Variants in ANO2 observed in about 807,000 individuals in gnomAD.
ANO2 encodes anoctamin-2.
A neutral mutation model predicts 124.2 loss-of-function variants in ANO2; 101 were observed. The observed-to-expected ratio is 0.81, with a 90% CI of 0.69 to 0.96. The LOEUF is 0.96. ANO2 is among the 40% of genes least tolerant of loss of function. The probability of loss-of-function intolerance (pLI) is 0.00; values close to 1 mark genes in which losing one functional copy is unlikely to be tolerated. For synonymous variants in ANO2, 486 were observed against 482.5 expected, an observed-to-expected ratio of 1.01 and a Z score of -0.09; for missense variants, 1,293 against 1,274.5, an observed-to-expected ratio of 1.01 and a Z score of -0.22.
intron 14 of ANO2, among the ~76,000 whole-genome samples, chr12:5,707,087 G>A (rs1421336125): frequency 6.6e-6 from 1 of 152,196 alleles, no homozygotes; most frequent in African/African-American, 2.4e-5. Flanking sequence ...CACATGTCGA[G>A]GGAGGGACCT....
At chr12:5,920,980 A>G in intron 3 of ANO2, 60 bp downstream of exon 3, 5 of 1,538,380 alleles carry the variant, frequency 3.3e-6, no homozygotes, top group Non-Finnish European at 4.4e-6. Context: ...ACTGCTCACT[A>G]GGAGCCCGGT....
chr12:5,917,263 T>C (rs556445553), intron 3 of ANO2, among the ~76,000 whole-genome samples: 6 of 152,222 alleles, frequency 3.9e-5, no homozygotes, highest in Non-Finnish European at 7.4e-5. Context: ...GTGGTGTTGA[T>C]AGTAGCATTA....
chr12:5,697,293 G>T (rs189809156), intron 14 of ANO2, among the ~76,000 whole-genome samples: 1 of 151,962 alleles, frequency 6.6e-6, no homozygotes, highest in Non-Finnish European at 1.5e-5. Flanking sequence ...TTAGCCGGGC[G>T]TGGTGGTGGG....
intron 14 of ANO2, among the ~76,000 whole-genome samples, chr12:5,707,696 C>T (rs888285877): frequency 2.0e-5 from 3 of 152,188 alleles, no homozygotes; most frequent in Non-Finnish European, 4.4e-5. Context: ...ACATACCTTC[C>T]GAGTTTATCT....
rs147969335 is a variant in ANO2 at position 5,841,226 on chromosome 12, G to A, written c.634-8623C>T. 1.4e-4 allele frequency among the ~76,000 whole-genome samples: 21 copies of A among 152,290 alleles called. No homozygotes were observed. In the Middle Eastern group the frequency reaches 0.01, roughly 74 times the overall value. ...TTTCAGCGATCAAAAGGGAAACAGC[G>A]CCAGGAGCAGCCAAGGTCAGCTACA... is the stretch of plus-strand genomic sequence containing the variant. On this transcript the variant is annotated intron_variant, in intron 4 of 24. Transcript: ENST00000682330.
chr12:5,732,721 G>C (rs1297860206), intron 13 of ANO2, 91 bp from the exon 14 acceptor site: 5 of 1,525,764 alleles, frequency 3.3e-6, no homozygotes, highest in Non-Finnish European at 9.0e-7. Context: ...ATTAACGTCA[G>C]CGTTTAGGAT....
chr12:5,703,835 C>A (rs1296432688), intron 14 of ANO2, among the ~76,000 whole-genome samples: 2 of 152,210 alleles, frequency 1.3e-5, no homozygotes, highest in Non-Finnish European at 2.9e-5. Context: ...GTGTGAGCCA[C>A]CGTGCCTGGC....
intron 7 of ANO2, among the ~76,000 whole-genome samples, chr12:5,821,466 C>T (rs924818614): frequency 6.6e-6 from 1 of 152,228 alleles, no homozygotes; most frequent in Admixed American, 6.5e-5. Flanking sequence ...GAAGGCTCTG[C>T]AACAGGTCCA....
Position 5,749,829 on chromosome 12 carries a change from C to T in ANO2, c.1190+1007G>A, listed in dbSNP as rs185270697. Among the ~76,000 whole-genome samples the T allele has an allele frequency of 6.4e-4, 98 of 152,262 alleles. 1 individual carries two copies. The highest frequency in any genetic ancestry group is 4.9e-4 in the Non-Finnish European group (33 of 68,034). Reference sequence around the variant, plus strand: ...TTACAACACTATGACTTAGGCGTCGCGATTACCATTTTACAGCCAAGAATA... The same window carrying T: ...TTACAACACTATGACTTAGGCGTCGTGATTACCATTTTACAGCCAAGAATA... On this transcript the variant is annotated intron_variant, in intron 11 of 24. Transcript: ENST00000682330.
At chr12:5,922,520 A>C (rs1941753769) in intron 2 of ANO2, 100 bp downstream of exon 2, 1 of 1,310,876 alleles carries the variant, frequency 7.6e-7, no homozygotes, top group East Asian at 2.7e-5. Flanking sequence ...TTTCACGCAC[A>C]CATGTGCTCC....
intron 4 of ANO2, among the ~76,000 whole-genome samples, chr12:5,845,387 G>GA (rs1954650395): frequency 6.6e-6 from 1 of 151,894 alleles, no homozygotes; most frequent in Non-Finnish European, 1.5e-5. Flanking sequence ...CTAACACGGT[G>GA]AAACTCCATC....
intron 3 of ANO2, among the ~76,000 whole-genome samples, chr12:5,901,679 A>C (rs1344531159): frequency 6.6e-6 from 1 of 152,210 alleles, no homozygotes; most frequent in Non-Finnish European, 1.5e-5. Context: ...GGAGGAACTC[A>C]AACCAGCCAA....
At position 5,727,309 on chromosome 12, in the gene ANO2, C is replaced by G. The variant is rs906759961; in HGVS notation, c.1545+5211G>C. Among the ~76,000 whole-genome samples, 34 of 152,074 alleles carry G rather than the reference C, an allele frequency of 2.2e-4. 1 individual carries two copies. The highest frequency in any genetic ancestry group is 5.2e-4 in the Admixed American group (8 of 15,268). On this transcript the variant is annotated intron_variant, in intron 14 of 24. Transcript: ENST00000682330. ...TTTCAGTATGTGACGTGCCTGCTCC[C>G]CCTTCGCCTTCCACAATGATTATAA...
chr12:5,922,868 G>A, intron 1 of ANO2, 64 bp from the exon 2 acceptor site: 2 of 1,374,674 alleles, frequency 1.5e-6, no homozygotes, highest in Non-Finnish European at 9.6e-7. Flanking sequence ...AGACACTGAG[G>A]TACTGAGTGT....
intron 1 of ANO2, among the ~76,000 whole-genome samples, chr12:5,934,442 A>G (rs2136320391): frequency 6.6e-6 from 1 of 152,334 alleles, no homozygotes; most frequent in African/African-American, 2.4e-5. Context: ...GACCAAGAGA[A>G]TAAGAATAAG....
chr12:5,819,063 G>T lies in ANO2; in HGVS notation c.892+8706C>A, dbSNP rs573783788. Among the ~76,000 whole-genome samples, 6 of 152,320 alleles carry T rather than the reference G, an allele frequency of 3.9e-5. No individual in the cohort carries two copies. In the East Asian group the frequency reaches 9.6e-4, roughly 24 times the overall value. On this transcript the variant is annotated intron_variant, in intron 7 of 24. Coordinates refer to ENST00000682330, the MANE Select transcript of ANO2 (RefSeq NM_001364791.2). ...GCGAGTGGCTGACCTGCAGTGAAAG[G>T]TGCATTCACAGCCTCTCCAGGTATC...
At chr12:5,811,417 T>C (rs943388289) in intron 7 of ANO2, among the ~76,000 whole-genome samples, 1 of 152,238 alleles carries the variant, frequency 6.6e-6, no homozygotes, top group African/African-American at 2.4e-5. Flanking sequence ...GGATGAATGA[T>C]AAACCAGATG....
intron 22 of ANO2, among the ~76,000 whole-genome samples, chr12:5,577,672 C>G (rs1345952956): frequency 6.6e-6 from 1 of 152,170 alleles, no homozygotes; most frequent in African/African-American, 2.4e-5. Flanking sequence ...TTATTCTTGG[C>G]TCCAAGGAAA....
intron 23 of ANO2, among the ~76,000 whole-genome samples, chr12:5,571,744 G>A (rs1354932126): frequency 2.0e-5 from 3 of 151,184 alleles, no homozygotes; most frequent in Non-Finnish European, 2.9e-5. Context: ...ATATGTATAC[G>A]GAATTATCTC....
Sources: allele counts gnomAD v4.1 joint callset (sites outside exome capture counted in the v4.1 genomes callset), GRCh38; gene constraint gnomAD v4.1.1; transcripts MANE v1.5; gene names NCBI Gene and HGNC (gene_info 2026-07-23, HGNC 2026-07-21).